The following BBX variants were observed in gnomAD, a reference collection of about 807,000 sequenced individuals.
The protein encoded by BBX is BBX high mobility group box domain containing, also known as HMG box transcription factor BBX.
A neutral mutation model predicts 100.2 loss-of-function variants in BBX; 30 were observed. The observed-to-expected ratio is 0.30, with a 90% CI of 0.22 to 0.41. The LOEUF is 0.41. BBX is among the 10% of genes least tolerant of loss of function. BBX has a pLI of 1.00. For missense variants in BBX, 1,023 were observed against 1,129.8 expected (o/e 0.91, Z 1.35); for synonymous variants, 376 against 388.1 (o/e 0.97, Z 0.37).
In BBX at chr3:107,773,883, C is replaced by T. The variant is rs2067108039; in HGVS notation, c.1915+247C>T. ...GATGTAATTAAAGTAATTTTAATCT[C>T]TTCTTTCCCCCCACTGGTATGGGCT... On this transcript the variant is annotated intron_variant, in intron 11 of 17. Transcript: ENST00000325805. The surrounding 1 kb of genome is among the most constrained non-coding windows in gnomAD (Gnocchi z 4.1). 6.6e-6 allele frequency among the ~76,000 whole-genome samples: 1 copy of T among 152,160 alleles called. No homozygotes were observed. The highest frequency in any genetic ancestry group is 1.5e-5 in the Non-Finnish European group (1 of 68,028).
At chr3:107,618,778 C>G (rs987508367) in intron 2 of BBX, among the ~76,000 whole-genome samples, 1 of 151,894 alleles carries the variant, frequency 6.6e-6, no homozygotes, top group Non-Finnish European at 1.5e-5. Context: ...GACTTCAGTT[C>G]TTTTAAAATT....
At chr3:107,722,733 C>T (rs1028142102) in intron 5 of BBX, among the ~76,000 whole-genome samples, 1 of 151,882 alleles carries the variant, frequency 6.6e-6, no homozygotes, top group Admixed American at 6.6e-5. Context: ...AATTTTCTGT[C>T]AGTGAAATAG....
intron 2 of BBX, among the ~76,000 whole-genome samples, chr3:107,581,879 CT>C (rs1216267707): frequency 1.3e-5 from 2 of 151,858 alleles, no homozygotes; most frequent in African/African-American, 4.8e-5. Context: ...CATTAGAATG[CT>C]TTTTTTAAAA....
chr3:107,670,889 A>C (rs1010184124), intron 3 of BBX, among the ~76,000 whole-genome samples: 7 of 152,118 alleles, frequency 4.6e-5, no homozygotes, highest in African/African-American at 7.2e-5. Context: ...ACATTCTGGA[A>C]GGCTGGTGTT....
At chr3:107,586,107 T>C (rs1334335424) in intron 2 of BBX, among the ~76,000 whole-genome samples, 1 of 152,134 alleles carries the variant, frequency 6.6e-6, no homozygotes, top group Non-Finnish European at 1.5e-5. Flanking sequence ...AAATCTGAAG[T>C]TAATAAAAAA....
rs754980934 is a variant in BBX, at chr3:107,773,457, C to T, written c.1736C>T (p.Pro579Leu). 40 of 1,614,002 alleles carry T rather than the reference C, an allele frequency of 2.5e-5. 1 individual carries two copies. The South Asian group carries it at 4.3e-4, about 17-fold the overall frequency. ...GGTATAAAAGCAGAACCATTGACCCCTATGGAAGATGCACTACCACCCAGC... is the reference window on the plus strand; with the variant it reads ...GGTATAAAAGCAGAACCATTGACCCTTATGGAAGATGCACTACCACCCAGC... ...PEGIKAEPLT[P>L]MEDALPPSLS... is the part of the protein sequence containing the mutation. The change falls in exon 11 of 18, where the codon CCT becomes CTT. Residue 579 changes from proline to leucine, a missense_variant. Pro to Leu is a moderately conservative substitution (Grantham distance 98). Around this residue, in one of 9 missense-constraint regions of BBX, gnomAD observed 348 missense variants for 353.2 expected, o/e 0.99. Transcript: ENST00000325805. The surrounding 1 kb of genome is among the most constrained non-coding windows in gnomAD (Gnocchi z 4.1).
intron 3 of BBX, among the ~76,000 whole-genome samples, chr3:107,689,368 A>C (rs1254931582): frequency 6.6e-6 from 1 of 152,146 alleles, no homozygotes; most frequent in African/African-American, 2.4e-5. Flanking sequence ...TTAAACTGTA[A>C]CCTGCCTATT....
intron 2 of BBX, among the ~76,000 whole-genome samples, chr3:107,605,284 A>G (rs926519994): frequency 6.6e-6 from 1 of 152,164 alleles, no homozygotes; most frequent in Admixed American, 6.5e-5. Context: ...CTTTGTATCA[A>G]ACCACAGTAG....
chr3:107,600,206 A>G (rs1309593604), intron 2 of BBX, among the ~76,000 whole-genome samples: 1 of 152,230 alleles, frequency 6.6e-6, no homozygotes, highest in Non-Finnish European at 1.5e-5. Context: ...ATCTTTATAC[A>G]TGTTTTTATT....
intron 2 of BBX, among the ~76,000 whole-genome samples, chr3:107,560,556 A>T (rs2050413821): frequency 6.6e-6 from 1 of 152,174 alleles, no homozygotes; most frequent in African/African-American, 2.4e-5. Context: ...ATTCTGATTA[A>T]TGGGGTTATA....
Position 107,716,678 on chromosome 3 carries a change from G to A in BBX, c.234G>A (p.Gln78=). The part of the protein sequence containing the change: ...GETEDDESPE[Q]RARRPMNAFL... ...CTGAAGATGATGAATCACCAGAGCA[G>A]CGAGCCCGGAGACCAATGAATGCAT... The change falls in exon 5 of 18, where the codon CAG becomes CAA. Residue 78 remains glutamine, a synonymous_variant. Coordinates refer to ENST00000325805, the MANE Select transcript of BBX (RefSeq NM_001142568.3). 6.2e-7 allele frequency: 1 copy of A among 1,613,838 alleles called. No individual in the cohort carries two copies. The highest frequency in any genetic ancestry group is 1.1e-5 in the South Asian group (1 of 91,076).
intron 5 of BBX, 124 bp from the exon 6 acceptor site, chr3:107,728,641 C>T (rs918088106): frequency 5.2e-6 from 4 of 774,752 alleles, no homozygotes; most frequent in Non-Finnish European, 8.4e-6. Flanking sequence ...ACAAGGAGAG[C>T]CACAGAAGTC....
intron 2 of BBX, among the ~76,000 whole-genome samples, chr3:107,575,355 A>G (rs1468012584): frequency 6.6e-6 from 1 of 151,968 alleles, no homozygotes; most frequent in African/African-American, 2.4e-5. Context: ...ACATTCTCTT[A>G]TTTTGTTGCC....
intron 8 of BBX, among the ~76,000 whole-genome samples, chr3:107,746,038 A>G (rs1039173820): frequency 3.3e-5 from 5 of 152,110 alleles, no homozygotes; most frequent in Non-Finnish European, 7.4e-5. Flanking sequence ...ATCTTAATTT[A>G]TAATAACATC....
At chr3:107,544,841 T>TAAA (rs71764209) in intron 2 of BBX, among the ~76,000 whole-genome samples, 103 of 99,358 alleles carry the variant, frequency 1.0e-3, no homozygotes, top group Non-Finnish European at 1.5e-3. Context: ...CTGTCTCTAC[T>TAAA]AAAAAAAAAA....
chr3:107,591,096 G>C (rs145606812), intron 2 of BBX, among the ~76,000 whole-genome samples: 1 of 152,330 alleles, frequency 6.6e-6, no homozygotes, highest in East Asian at 1.9e-4. Flanking sequence ...ATTCTGGATA[G>C]ATTTTTTTCC....
intron 2 of BBX, among the ~76,000 whole-genome samples, chr3:107,586,438 G>GTTTTTAATGTGAATTAAACA (rs2052845060): frequency 6.6e-6 from 1 of 152,074 alleles, no homozygotes. Context: ...GGGTCACCTA[G>GTTTTTAATGTGAATTAAACA]TTTTTAATGT....
At chr3:107,545,905 G>C (rs1218647143) in intron 2 of BBX, among the ~76,000 whole-genome samples, 2 of 152,118 alleles carry the variant, frequency 1.3e-5, no homozygotes, top group African/African-American at 4.8e-5. Context: ...TTTTTGAAAT[G>C]GTGCTCTCTT....
At chr3:107,559,439 G>T (rs899359733) in intron 2 of BBX, among the ~76,000 whole-genome samples, 1 of 152,170 alleles carries the variant, frequency 6.6e-6, no homozygotes, top group Non-Finnish European at 1.5e-5. Context: ...GCCACTGCAG[G>T]TGCTAGCTGC....
Sources: allele counts gnomAD v4.1 joint callset (sites outside exome capture counted in the v4.1 genomes callset), GRCh38; gene constraint gnomAD v4.1.1; regional missense constraint gnomAD v4.1.1; non-coding constraint Gnocchi (gnomAD v3.1); transcripts MANE v1.5; gene names NCBI Gene and HGNC (gene_info 2026-07-23, HGNC 2026-07-21).